The following GPC6 variants were observed in gnomAD, a reference collection of about 807,000 sequenced individuals.
GPC6 encodes the protein glypican 6.
A neutral mutation model predicts 55.2 loss-of-function variants in GPC6; 14 were observed. The observed-to-expected ratio is 0.25, with a 90% CI of 0.17 to 0.40. The LOEUF (loss-of-function observed/expected upper bound fraction) is 0.40, where lower values mean the gene tolerates loss of function less well. Among genes scored for constraint, GPC6 ranks in the 10% least tolerant of loss-of-function variants. The pLI, the probability that GPC6 is intolerant of heterozygous loss-of-function variation, is 1.00. For synonymous variants in GPC6, 278 were observed against 259.6 expected (o/e 1.07, Z -0.68); for missense variants, 641 against 708.5 (o/e 0.90, Z 1.08).
intron 4 of GPC6, among the ~76,000 whole-genome samples, chr13:94,073,251 C>T (rs1884798017): frequency 6.6e-6 from 1 of 152,164 alleles, no homozygotes; most frequent in Admixed American, 6.6e-5. Flanking sequence ...CGTTATTACT[C>T]TCTCCTAAAG....
At chr13:93,553,877 T>A (rs1875302825) in intron 2 of GPC6, among the ~76,000 whole-genome samples, 1 of 113,658 alleles carries the variant, frequency 8.8e-6, no homozygotes. Context: ...CAGTGCCTCG[T>A]GCCTGTAATC....
In GPC6 at chr13:93,231,962, A is replaced by C. The variant is rs146883747; in HGVS notation, c.160+4346A>C. Among the ~76,000 whole-genome samples, 372 of 152,292 alleles carry C rather than the reference A, an allele frequency of 2.4e-3. 3 individuals are homozygous for C. The highest frequency in any genetic ancestry group is 8.2e-3 in the African/African-American group (343 of 41,588). On this transcript the variant is annotated intron_variant, in intron 1 of 8. Coordinates refer to ENST00000377047, the MANE Select transcript of GPC6 (RefSeq NM_005708.5). ...TAAAAATCTACAGTTTAAAAAGATT[A>C]TTTGCTTGTTTCAAAATACATAATG...
chr13:94,018,414 C>G (rs561909981), intron 3 of GPC6, among the ~76,000 whole-genome samples: 1 of 151,992 alleles, frequency 6.6e-6, no homozygotes, highest in Non-Finnish European at 1.5e-5. Flanking sequence ...CTCAGCCTCC[C>G]GAGTAATTGT....
intron 4 of GPC6, among the ~76,000 whole-genome samples, chr13:94,203,544 G>A (rs74105747): frequency 0.012 from 1,887 of 152,114 alleles, 37 homozygotes; most frequent in African/African-American, 0.043. Context: ...TATTAAGGTA[G>A]TGCATTTATT....
At position 93,532,240 on chromosome 13, in the gene GPC6, C is replaced by A. The variant is rs541257330; in HGVS notation, c.161-13023C>A. Reference sequence around the variant, plus strand: ...TTGCATGTAGTAAGAAAAGTTGCAGCATTCAGATTTTCTCTCAAGATCTTT... The same window carrying A: ...TTGCATGTAGTAAGAAAAGTTGCAGAATTCAGATTTTCTCTCAAGATCTTT... On this transcript the variant is annotated intron_variant, in intron 1 of 8. Transcript: ENST00000377047. 3.9e-5 allele frequency among the ~76,000 whole-genome samples: 6 copies of A among 152,256 alleles called. No homozygotes were observed. The South Asian group carries it at 1.0e-3, about 26-fold the overall frequency.
intron 1 of GPC6, among the ~76,000 whole-genome samples, chr13:93,276,177 A>AT (rs751131009): frequency 1.3e-5 from 2 of 152,164 alleles, no homozygotes; most frequent in East Asian, 3.9e-4. Context: ...CCCAGCGAGA[A>AT]TTTTTAAGTA....
chr13:93,643,577 G>A (rs1405177585), intron 2 of GPC6, among the ~76,000 whole-genome samples: 1 of 152,072 alleles, frequency 6.6e-6, no homozygotes, highest in Admixed American at 6.6e-5. Context: ...TGTTTGTACA[G>A]ATTTTTCTGG....
At chr13:93,429,529 A>G (rs902967059) in intron 1 of GPC6, among the ~76,000 whole-genome samples, 1 of 152,026 alleles carries the variant, frequency 6.6e-6, no homozygotes, top group Non-Finnish European at 1.5e-5. Flanking sequence ...TTTGCTTCTC[A>G]TGTCTAGACA....
intron 4 of GPC6, among the ~76,000 whole-genome samples, chr13:94,165,703 G>A (rs919528011): frequency 6.6e-6 from 1 of 152,034 alleles, no homozygotes; most frequent in Admixed American, 6.6e-5. Flanking sequence ...GTATGCTATA[G>A]TGCTACAAAG....
At chr13:93,317,041 T>G (rs1879269124) in intron 1 of GPC6, among the ~76,000 whole-genome samples, 1 of 152,088 alleles carries the variant, frequency 6.6e-6, no homozygotes, top group Non-Finnish European at 1.5e-5. Flanking sequence ...TAGACCTGTA[T>G]TATAAATGTT....
At chr13:93,834,531 A>AT (rs1887658881) in intron 3 of GPC6, among the ~76,000 whole-genome samples, 1 of 152,204 alleles carries the variant, frequency 6.6e-6, no homozygotes, top group African/African-American at 2.4e-5. Flanking sequence ...AGAGATATCT[A>AT]AAGTTATCAA....
chr13:93,730,360 C>T (rs1883779275), intron 2 of GPC6, among the ~76,000 whole-genome samples: 4 of 152,142 alleles, frequency 2.6e-5, no homozygotes, highest in Admixed American at 2.6e-4. Flanking sequence ...AACAATTTGA[C>T]CTTAATAAAT....
chr13:93,302,799 G>A (rs779434510), intron 1 of GPC6, among the ~76,000 whole-genome samples: 13 of 152,146 alleles, frequency 8.5e-5, no homozygotes, highest in East Asian at 1.9e-4. Context: ...GCAGAGTACC[G>A]TAATGGAAAA....
intron 2 of GPC6, among the ~76,000 whole-genome samples, chr13:93,789,287 G>C (rs1451549486): frequency 6.6e-6 from 1 of 151,856 alleles, no homozygotes. Flanking sequence ...GTTCTACACT[G>C]TCTGGGGTTG....
At chr13:93,435,673 G>A (rs554189626) in intron 1 of GPC6, among the ~76,000 whole-genome samples, 1 of 152,118 alleles carries the variant, frequency 6.6e-6, no homozygotes, top group East Asian at 1.9e-4. Context: ...ATAAAATCTG[G>A]GGGCTTCTCA....
chr13:94,153,378 G>T (rs536640290), intron 4 of GPC6, among the ~76,000 whole-genome samples: 14 of 152,182 alleles, frequency 9.2e-5, no homozygotes, highest in Non-Finnish European at 1.8e-4. Context: ...ACAAATAAGA[G>T]AATTATGAAT....
At chr13:93,219,526 AAATT>A in the GPC6 span, among the ~76,000 whole-genome samples, 6 of 152,212 alleles carry the variant, frequency 3.9e-5, no homozygotes, top group Non-Finnish European at 5.9e-5. Context: ...GAAAACAAAT[AAATT>A]TTATTGACTT....
At chr13:94,363,496 G>A (rs559266652) in intron 6 of GPC6, among the ~76,000 whole-genome samples, 1 of 152,162 alleles carries the variant, frequency 6.6e-6, no homozygotes, top group African/African-American at 2.4e-5. Flanking sequence ...GAGTTCTGTT[G>A]ATTTGAAATG....
chr13:93,530,804 A>G (rs763448461), intron 1 of GPC6, among the ~76,000 whole-genome samples: 35 of 152,306 alleles, frequency 2.3e-4, no homozygotes, highest in Non-Finnish European at 4.6e-4. Context: ...AGGAAATACT[A>G]CATAGAAGAC....
Sources: gnomAD v4.1 joint callset for allele counts (sites outside exome capture counted in the v4.1 genomes callset) on GRCh38, gnomAD v4.1.1 for gene constraint, MANE v1.5 for transcripts, NCBI Gene and HGNC (gene_info 2026-07-23, HGNC 2026-07-21) for gene names.